SLC26A8: variants seen among roughly 807,000 people sequenced by gnomAD.
SLC26A8 encodes the protein solute carrier family 26 member 8.
In SLC26A8, 70 loss-of-function variants were observed where a neutral mutation model predicts 105.0. The observed-to-expected ratio is 0.67, with a 90% CI of 0.55 to 0.81. The LOEUF (loss-of-function observed/expected upper bound fraction) is 0.81, where lower values mean the gene tolerates loss of function less well. Ranked by LOEUF, SLC26A8 falls within the 40% of genes least tolerant of loss-of-function variation. SLC26A8 has a pLI of 0.00. For synonymous variants in SLC26A8, 415 were observed against 438.3 expected (o/e 0.95, Z 0.66); for missense variants, 998 against 1,181.8 (o/e 0.84, Z 2.28).
chr6:35,968,609 G>GTGTATATATATA (rs1168496588), intron 11 of SLC26A8, among the ~76,000 whole-genome samples: 5 of 60,090 alleles, frequency 8.3e-5, no homozygotes, highest in African/African-American at 2.1e-4. Context: ...GTGTGTGTGT[G>GTGTATATATATA]TATATATATA....
chr6:35,977,298 T>A lies in SLC26A8; in HGVS notation c.1079A>T (p.Gln360Leu). Reference protein sequence around the residue: ...DFSLLPKIILQAFSLSLVSSF... With the variant: ...DFSLLPKIILLAFSLSLVSSF... The stretch of plus-strand genomic sequence containing the variant: ...GCTCACCAAAGATAAGGAGAAGGCT[T>A]GTAAAATTATCTTGGGAAGAAGGCT... The change falls in exon 9 of 20, where the codon CAA becomes CTA. Residue 360 changes from glutamine (Q) to leucine (L), a missense_variant. Gln to Leu is a moderately radical substitution (Grantham distance 113). Coordinates refer to ENST00000490799, the MANE Select transcript of SLC26A8 (RefSeq NM_052961.4). The A allele has an allele frequency of 6.2e-7, 1 of 1,614,028 alleles. No individual in the cohort carries two copies. Among genetic ancestry groups the A allele is most frequent in the East Asian group, 2.2e-5 (1 of 44,870 alleles).
intron 10 of SLC26A8, among the ~76,000 whole-genome samples, chr6:35,970,443 G>C (rs1036654167): frequency 6.6e-6 from 1 of 152,120 alleles, no homozygotes; most frequent in Admixed American, 6.6e-5. Flanking sequence ...CAGGAAAATG[G>C]ATCACCATAA....
rs746589079 is a variant in SLC26A8, at chr6:35,959,577, CT to C, written c.1745del (p.Lys582ArgfsTer60). 2 of 1,613,126 alleles carry C rather than the reference CT, an allele frequency of 1.2e-6. No individual in the cohort carries two copies. The highest frequency in any genetic ancestry group is 4.5e-5 in the East Asian group (2 of 44,862). On this transcript the variant is annotated frameshift_variant, in exon 16 of 20. Coordinates refer to ENST00000490799, the MANE Select transcript of SLC26A8 (RefSeq NM_052961.4). LOFTEE classifies it high-confidence loss of function. The part of the protein sequence containing the change: ...HKLLKEVDMV[K>X]VPLKEEEIFS... ...AAATTTCTTCTTCTTTAAGAGGCACCTTTACCATATCAACCTGAAAGACATG... is the reference window on the plus strand; with the variant it reads ...AAATTTCTTCTTCTTTAAGAGGCACCTTACCATATCAACCTGAAAGACATG...
chr6:36,022,063 G>A (rs897509130), intron 1 of SLC26A8, among the ~76,000 whole-genome samples: 3 of 152,138 alleles, frequency 2.0e-5, no homozygotes, highest in African/African-American at 7.2e-5. Context: ...CACCTCCCAG[G>A]TTCAAGCGAT....
intron 5 of SLC26A8, among the ~76,000 whole-genome samples, chr6:35,994,132 T>G (rs1250758333): frequency 2.0e-5 from 3 of 146,352 alleles, no homozygotes; most frequent in Non-Finnish European, 4.5e-5. Flanking sequence ...TTTTTTTTTT[T>G]GAGACGGAGT....
chr6:35,949,951 G>A (rs12153849), intron 19 of SLC26A8, among the ~76,000 whole-genome samples: 36,229 of 151,642 alleles, frequency 0.24, 5,271 homozygotes, highest in Admixed American at 0.33. Flanking sequence ...GACTACAGGC[G>A]CGTGCCACCA....
chr6:36,024,036 A>T (rs774317285), intron 1 of SLC26A8, among the ~76,000 whole-genome samples: 87 of 151,602 alleles, frequency 5.7e-4, no homozygotes, highest in Non-Finnish European at 8.8e-4. Flanking sequence ...GGGGCCCCTG[A>T]CACATCAACG....
intron 7 of SLC26A8, chr6:35,989,690 C>T (rs1379364836): frequency 6.6e-6 from 1 of 152,176 alleles, no homozygotes; most frequent in Non-Finnish European, 1.5e-5. Flanking sequence ...GGGACCTTAA[C>T]ATCGGAGCAT....
chr6:35,948,944 T>C (rs1771767553), intron 19 of SLC26A8, among the ~76,000 whole-genome samples: 1 of 152,190 alleles, frequency 6.6e-6, no homozygotes, highest in Non-Finnish European at 1.5e-5. Context: ...GGGATGCTGC[T>C]GAGAGAAGAT....
chr6:35,951,023 GC>G, intron 19 of SLC26A8, 139 bp downstream of exon 19: 1 of 827,186 alleles, frequency 1.2e-6, no homozygotes, highest in Non-Finnish European at 1.9e-6. Flanking sequence ...TTCTGGTACA[GC>G]CATACTAAAT....
intron 9 of SLC26A8, among the ~76,000 whole-genome samples, chr6:35,976,420 G>A (rs1226549402): frequency 7.5e-5 from 11 of 147,000 alleles, no homozygotes; most frequent in Admixed American, 2.0e-4. Flanking sequence ...GCAAAACTCC[G>A]TCTCAAAAAA....
chr6:35,966,652 T>C (rs1291119938), intron 11 of SLC26A8, among the ~76,000 whole-genome samples: 2 of 152,204 alleles, frequency 1.3e-5, no homozygotes, highest in Non-Finnish European at 2.9e-5. Context: ...GCCTGAATGC[T>C]CTACTAGGGA....
chr6:35,958,666 A>G (rs1772190886), intron 16 of SLC26A8, among the ~76,000 whole-genome samples: 1 of 152,004 alleles, frequency 6.6e-6, no homozygotes, highest in Admixed American at 6.6e-5. Context: ...GTATGGGAAC[A>G]AGAGTGGATG....
chr6:35,978,159 A>AG (rs1419679818), intron 8 of SLC26A8, among the ~76,000 whole-genome samples: 1 of 151,732 alleles, frequency 6.6e-6, no homozygotes, highest in East Asian at 1.9e-4. Context: ...AAAAAAAAAA[A>AG]AAAAGACACT....
At chr6:36,024,641 TGAG>T (rs1562082963), upstream of SLC26A8, 1 of 400,952 alleles carries the variant, frequency 2.5e-6, no homozygotes, top group African/African-American at 2.1e-5. Flanking sequence ...CCGGGCGGGC[TGAG>T]GAGATGAGAG....
intron 6 of SLC26A8, among the ~76,000 whole-genome samples, chr6:35,992,020 G>A (rs1421856351): frequency 6.6e-6 from 1 of 152,080 alleles, no homozygotes; most frequent in Non-Finnish European, 1.5e-5. Flanking sequence ...ATAAGAATAA[G>A]GAGAGAATAC....
rs772856358 is a variant in SLC26A8 at position 35,962,585 on chromosome 6, G to C, written c.1402C>G (p.Pro468Ala). 1 of 1,614,130 alleles carries C rather than the reference G, an allele frequency of 6.2e-7. No individual in the cohort carries two copies. Among genetic ancestry groups the C allele is most frequent in the African/African-American group, 1.3e-5 (1 of 75,040 alleles). Reference sequence around the variant, plus strand: ...AGGTTAGAAATGGTTTCAAGGTAGGGAATGACGTTGCTCAGAATAATACCA... The same window carrying C: ...AGGTTAGAAATGGTTTCAAGGTAGGCAATGACGTTGCTCAGAATAATACCA... ...LAGIILSNVI[P>A]YLETISNLPS... The change falls in exon 12 of 20, where the codon CCC becomes GCC. Residue 468 changes from proline to alanine, a missense_variant. Physicochemically the swap from Pro to Ala is conservative, Grantham distance 27 (BLOSUM62 -1). Transcript: ENST00000490799.
At position 36,017,594 on chromosome 6, in the gene SLC26A8, C is replaced by T. The variant is rs141251735; in HGVS notation, c.188+1926G>A. On this transcript the variant is annotated intron_variant, in intron 2 of 19. Coordinates refer to ENST00000490799, the MANE Select transcript of SLC26A8 (RefSeq NM_052961.4). ...CTGCAGTGAGCAGAGATCATGCCAT[C>T]GCACTCCAGCCTGGGCAACAAGAGT... is the stretch of plus-strand genomic sequence containing the variant. Among the ~76,000 whole-genome samples, 85 of 152,022 alleles carry T rather than the reference C, an allele frequency of 5.6e-4. 1 individual carries two copies. The East Asian group carries it at 0.016, about 28-fold the overall frequency.
Position 35,951,363 on chromosome 6 carries a change from A to G in SLC26A8, c.2288-16T>C. The G allele has an allele frequency of 6.2e-7, 1 of 1,614,122 alleles. No homozygotes were observed. The highest frequency in any genetic ancestry group is 8.5e-7 in the Non-Finnish European group (1 of 1,180,018). Reference sequence around the variant, plus strand: ...ACTATGGAAGCTAAAAACCAAACCCAGAACACACACAATGTCAGATACTTG... The same window carrying G: ...ACTATGGAAGCTAAAAACCAAACCCGGAACACACACAATGTCAGATACTTG... On this transcript the variant is annotated splice_polypyrimidine_tract_variant and intron_variant, in intron 18 of 19. Coordinates refer to ENST00000490799, the MANE Select transcript of SLC26A8 (RefSeq NM_052961.4).
Sources: gnomAD v4.1 joint callset for allele counts (sites outside exome capture counted in the v4.1 genomes callset) on GRCh38, gnomAD v4.1.1 for gene constraint, MANE v1.5 for transcripts, NCBI Gene and HGNC (gene_info 2026-07-23, HGNC 2026-07-21) for gene names.